FAM20B: variants seen among roughly 807,000 people sequenced by gnomAD.
FAM20B encodes the protein FAM20B glycosaminoglycan xylosylkinase, also known as glycosaminoglycan xylosylkinase.
In FAM20B, 23 loss-of-function variants were observed where a neutral mutation model predicts 43.8. The observed-to-expected ratio is 0.53, with a 90% CI of 0.38 to 0.74. FAM20B has a LOEUF of 0.74. Ranked by LOEUF, FAM20B falls within the 30% of genes least tolerant of loss-of-function variation. The probability of loss-of-function intolerance (pLI) is 0.00; values close to 1 mark genes in which losing one functional copy is unlikely to be tolerated. For synonymous variants in FAM20B, 178 were observed against 192.4 expected (o/e 0.93, Z 0.62); for missense variants, 440 against 510.5 (o/e 0.86, Z 1.33).
At position 179,050,370 on chromosome 1, in the gene FAM20B, G is replaced by T; in HGVS notation, c.464+5G>T. ...AGCAGCCTTTCACTTGGACAGGTGC[G>T]TATGATCACAGCAGCTTATGTTCAT... On this transcript the variant is annotated splice_donor_5th_base_variant and intron_variant, in intron 3 of 7. Coordinates refer to ENST00000263733, the MANE Select transcript of FAM20B (RefSeq NM_014864.4). 2 of 1,607,648 alleles carry T rather than the reference G, an allele frequency of 1.2e-6. No individual in the cohort carries two copies. Among genetic ancestry groups the T allele is most frequent in the Non-Finnish European group, 1.7e-6 (2 of 1,174,142 alleles).
chr1:179,021,361 T>C (rs192803173), upstream of FAM20B, among the ~76,000 whole-genome samples: 1 of 152,280 alleles, frequency 6.6e-6, no homozygotes, highest in East Asian at 1.9e-4. Flanking sequence ...TGTGGTACCA[T>C]CCTAGGCATA....
Position 179,064,304 on chromosome 1 carries a change from G to A in FAM20B, c.747-1G>A, listed in dbSNP as rs1383038199. ...AGTGCTGTGATGCTGCTTGTCTCCA[G>A]GTGGGAGTATGATGAGAGCTACTGT... is the stretch of plus-strand genomic sequence containing the variant. On this transcript the variant is annotated splice_acceptor_variant, in intron 5 of 7. Coordinates refer to ENST00000263733, the MANE Select transcript of FAM20B (RefSeq NM_014864.4). LOFTEE classifies it high-confidence loss of function. 2 of 1,601,194 alleles carry A rather than the reference G, an allele frequency of 1.2e-6. No homozygotes were observed. The highest frequency in any genetic ancestry group is 1.1e-5 in the South Asian group (1 of 89,968).
At chr1:179,040,975 C>T (rs1158125836) in intron 1 of FAM20B, among the ~76,000 whole-genome samples, 13 of 142,188 alleles carry the variant, frequency 9.1e-5, no homozygotes, top group Admixed American at 6.9e-4. Context: ...ACATCCCAGA[C>T]GGGGCCGGCG....
chr1:179,071,925 C>T lies in FAM20B; in HGVS notation c.1011C>T (p.Ser337=), dbSNP rs1356136555. ...CTTTTTCTCCCAGCATTCGGGTGTC[C>T]ACCTGGAACAGACTGAACTACCTAA... is the stretch of plus-strand genomic sequence containing the variant. ...PLYQCCIIRV[S]TWNRLNYLKN... Residue 337 remains serine, a synonymous_variant, in exon 8 of 8, where the codon TCC becomes TCT. Coordinates refer to ENST00000263733, the MANE Select transcript of FAM20B (RefSeq NM_014864.4). 2 of 1,612,360 alleles carry T rather than the reference C, an allele frequency of 1.2e-6. No individual in the cohort carries two copies. Among genetic ancestry groups the T allele is most frequent in the South Asian group, 1.1e-5 (1 of 90,862 alleles).
chr1:179,043,961 G>C lies in FAM20B; in HGVS notation c.114G>C (p.Gln38His). Reference sequence around the variant, plus strand: ...CATCAGCTGCCAACCGGGAGGACCAGAGGGCCTTTCACCGAATGATGACTG... The same window carrying C: ...CATCAGCTGCCAACCGGGAGGACCACAGGGCCTTTCACCGAATGATGACTG... The part of the protein sequence containing the change: ...LDTSAANRED[Q>H]RAFHRMMTGL... The change falls in exon 2 of 8, where the codon CAG (glutamine) becomes CAC (histidine). Residue 38 changes from glutamine (Q) to histidine (H), a missense_variant. By Grantham distance (24) the Gln-to-His change is conservative (BLOSUM62 0). Coordinates refer to ENST00000263733, the MANE Select transcript of FAM20B (RefSeq NM_014864.4). 1.2e-6 allele frequency: 2 copies of C among 1,614,186 alleles called. No individual in the cohort carries two copies. The highest frequency in any genetic ancestry group is 1.7e-6 in the Non-Finnish European group (2 of 1,180,018).
chr1:179,018,924 G>A, the FAM20B span, among the ~76,000 whole-genome samples: 1 of 152,204 alleles, frequency 6.6e-6, no homozygotes, highest in African/African-American at 2.4e-5. Context: ...CCAGAGGGCC[G>A]ATGGTATAGA....
upstream of FAM20B, among the ~76,000 whole-genome samples, chr1:179,021,687 G>C (rs1385571035): frequency 6.6e-6 from 1 of 151,986 alleles, no homozygotes; most frequent in African/African-American, 2.4e-5. Context: ...TGCTTTTACT[G>C]TGCAGATTTA....
intron 6 of FAM20B, 57 bp from the exon 7 acceptor site, chr1:179,066,743 T>C: frequency 2.5e-6 from 3 of 1,177,610 alleles, no homozygotes; most frequent in South Asian, 1.2e-5. Context: ...ATTGCTTTGA[T>C]GCTAAGAAGA....
chr1:179,043,067 C>T (rs1650612761), intron 1 of FAM20B, among the ~76,000 whole-genome samples: 1 of 152,188 alleles, frequency 6.6e-6, no homozygotes, highest in Non-Finnish European at 1.5e-5. Context: ...GAGCCTGCCT[C>T]CTGCCACCAT....
intron 7 of FAM20B, among the ~76,000 whole-genome samples, chr1:179,068,353 G>GT (rs1249459422): frequency 6.6e-6 from 1 of 152,096 alleles, no homozygotes; most frequent in Non-Finnish European, 1.5e-5. Flanking sequence ...CTTTGAAGAT[G>GT]TTTTTGTGGT....
intron 7 of FAM20B, among the ~76,000 whole-genome samples, chr1:179,070,174 T>C (rs1413470515): frequency 6.6e-6 from 1 of 151,760 alleles, no homozygotes; most frequent in Non-Finnish European, 1.5e-5. Context: ...GCCTCCCAAG[T>C]AGCTGGGATT....
chr1:179,044,032 C>A lies in FAM20B; in HGVS notation c.185C>A (p.Ser62Tyr), dbSNP rs778883078. 1.9e-6 allele frequency: 3 copies of A among 1,614,042 alleles called. No homozygotes were observed. Among genetic ancestry groups the A allele is most frequent in the Non-Finnish European group, 2.5e-6 (3 of 1,180,028 alleles). ...CCCAAGCTGGACCATACCTTGCAGT[C>A]TCCCTGGGAGATTGCAGCCCAGTGG... Reference protein sequence around the residue: ...LAPKLDHTLQSPWEIAAQWVV... With the variant: ...LAPKLDHTLQYPWEIAAQWVV... The change falls in exon 2 of 8, where the codon TCT becomes TAT. Residue 62 changes from serine (S) to tyrosine (Y), a missense_variant. Transcript: ENST00000263733.
At chr1:179,055,355 G>A (rs1651168282) in intron 4 of FAM20B, among the ~76,000 whole-genome samples, 1 of 152,130 alleles carries the variant, frequency 6.6e-6, no homozygotes, top group African/African-American at 2.4e-5. Context: ...CTGCATTAGG[G>A]CATGACTGTT....
At chr1:179,038,083 CTTCA>C (rs1650325627) in intron 1 of FAM20B, among the ~76,000 whole-genome samples, 1 of 152,108 alleles carries the variant, frequency 6.6e-6, no homozygotes, top group South Asian at 2.1e-4. Context: ...GGAGGATTTT[CTTCA>C]TTCTAAATGA....
At chr1:179,022,123 G>A (rs978131669), upstream of FAM20B, among the ~76,000 whole-genome samples, 3 of 152,220 alleles carry the variant, frequency 2.0e-5, no homozygotes, top group Non-Finnish European at 4.4e-5. Flanking sequence ...GAGTAGCTCT[G>A]CAGATCTGGT....
At chr1:179,049,521 C>T (rs1650913588) in intron 2 of FAM20B, among the ~76,000 whole-genome samples, 3 of 152,162 alleles carry the variant, frequency 2.0e-5, no homozygotes, top group Admixed American at 2.0e-4. Context: ...ATAAGCTTTG[C>T]CACAGCCATT....
chr1:179,053,287 A>G (rs1428381345), intron 3 of FAM20B, among the ~76,000 whole-genome samples: 2 of 152,042 alleles, frequency 1.3e-5, no homozygotes, highest in Non-Finnish European at 1.5e-5. Context: ...GGGAAGAAAA[A>G]ATACTTCCCA....
intron 1 of FAM20B, among the ~76,000 whole-genome samples, chr1:179,034,188 A>G (rs1650124368): frequency 6.6e-6 from 1 of 152,172 alleles, no homozygotes; most frequent in African/African-American, 2.4e-5. Flanking sequence ...CTCTCTCCAT[A>G]TAGATCACTT....
At chr1:179,050,436 G>T (rs1437398973) in intron 3 of FAM20B, 71 bp downstream of exon 3, 2 of 1,050,064 alleles carry the variant, frequency 1.9e-6, no homozygotes, top group East Asian at 2.4e-5. Context: ...AGGACTCGTG[G>T]ACTCCTTCAG....
Sources: allele counts gnomAD v4.1 joint callset (sites outside exome capture counted in the v4.1 genomes callset), GRCh38; gene constraint gnomAD v4.1.1; transcripts MANE v1.5; gene names NCBI Gene and HGNC (gene_info 2026-07-23, HGNC 2026-07-21).